The following COL19A1 variants were observed in gnomAD, a reference collection of about 807,000 sequenced individuals.
COL19A1 encodes collagen type XIX alpha 1 chain.
Under a neutral mutation model 190.2 loss-of-function variants are expected in COL19A1, and 159 were observed. The observed-to-expected ratio is 0.84, with a 90% CI of 0.73 to 0.95. The LOEUF (loss-of-function observed/expected upper bound fraction) is 0.95. COL19A1 is among the 40% of genes least tolerant of loss of function. The pLI is 0.00. For missense variants in COL19A1, 1,418 were observed against 1,431.9 expected (o/e 0.99, Z 0.16); for synonymous variants, 509 against 458.9 (o/e 1.11, Z -1.39).
intron 19 of COL19A1, among the ~76,000 whole-genome samples, chr6:70,138,572 T>C (rs1309678337): frequency 6.6e-6 from 1 of 152,182 alleles, no homozygotes; most frequent in Non-Finnish European, 1.5e-5. Flanking sequence ...TAAAGGATAT[T>C]GGTTTATCAG....
intron 48 of COL19A1, among the ~76,000 whole-genome samples, chr6:70,193,907 T>G (rs1767032321): frequency 6.6e-6 from 1 of 152,210 alleles, no homozygotes; most frequent in Admixed American, 6.5e-5. Context: ...TCACAAATCA[T>G]AAAGCTCCAA....
chr6:70,176,409 T>C lies in COL19A1; in HGVS notation c.2623-111T>C, dbSNP rs547813086. ...CCCCATCTAATATCAATAACACTTATCAGATCCAAAGGAAAGCTTTACCAA... is the reference window on the plus strand; with the variant it reads ...CCCCATCTAATATCAATAACACTTACCAGATCCAAAGGAAAGCTTTACCAA... On this transcript the variant is annotated intron_variant, in intron 41 of 50. Coordinates refer to ENST00000620364, the MANE Select transcript of COL19A1 (RefSeq NM_001858.6). 19 of 1,088,336 alleles carry C rather than the reference T, an allele frequency of 1.7e-5. No homozygotes were observed. In the South Asian group the frequency reaches 2.3e-4, roughly 13 times the overall value. 67.4% of individuals were successfully genotyped at this position (1,088,336 alleles called of 1,614,324 possible). A position where few individuals can be genotyped will look rare whatever the true frequency, so the allele number is the denominator to read the frequency against.
Position 69,880,010 on chromosome 6 carries a change from A to G in COL19A1, c.91+352A>G, listed in dbSNP as rs1768416671. 1.3e-5 allele frequency: 4 copies of G among 302,662 alleles called. No individual in the cohort carries two copies. In the East Asian group the frequency reaches 2.1e-4, roughly 16 times the overall value. 18.7% of individuals were successfully genotyped at this position (302,662 alleles called of 1,614,324 possible). On this transcript the variant is annotated intron_variant, in intron 2 of 50. Transcript: ENST00000620364. ...TAAGTATGGAAACTCATTACTAATT[A>G]GGATTAACAAGGACATATCTAATCT...
intron 15 of COL19A1, among the ~76,000 whole-genome samples, chr6:70,101,532 A>G (rs1034858793): frequency 7.9e-5 from 12 of 152,200 alleles, no homozygotes; most frequent in African/African-American, 2.9e-4. Flanking sequence ...TTCACTTATA[A>G]AAACAGCTTA....
chr6:69,929,764 A>T, intron 6 of COL19A1, 64 bp downstream of exon 6: 2 of 1,446,962 alleles, frequency 1.4e-6, no homozygotes, highest in South Asian at 1.4e-5. Flanking sequence ...AATCTTATTA[A>T]AAACATTCTT....
Position 70,190,299 on chromosome 6 carries a change from T to G in COL19A1, c.3028-16T>G. On this transcript the variant is annotated splice_polypyrimidine_tract_variant and intron_variant, in intron 47 of 50. Transcript: ENST00000620364. ...GCTATGCTCTATTTTAACAACCTTT[T>G]TTTTTCCTTCTTCAGGCTGATGCAG... is the stretch of plus-strand genomic sequence containing the variant. The G allele has an allele frequency of 6.3e-7, 1 of 1,585,530 alleles. No homozygotes were observed.
intron 14 of COL19A1, among the ~76,000 whole-genome samples, chr6:70,051,532 T>TA (rs1193381322): frequency 6.6e-6 from 1 of 152,114 alleles, no homozygotes; most frequent in Non-Finnish European, 1.5e-5. Flanking sequence ...GGCAAATTTT[T>TA]AAAAAATGGA....
Position 70,102,220 on chromosome 6 carries a change from C to T in COL19A1, c.1276C>T (p.Pro426Ser), listed in dbSNP as rs749072748. ...CGGAAAACCAGGACCCCCAGGACCACCTGTGAGTAAACAATACAATGACTG... is the reference window on the plus strand; with the variant it reads ...CGGAAAACCAGGACCCCCAGGACCATCTGTGAGTAAACAATACAATGACTG... The part of the protein sequence containing the change: ...PPGKPGPPGP[P>S]GPPGIQGIHQ... The change falls in exon 16 of 51, where the codon CCT becomes TCT. Residue 426 changes from proline to serine, a missense_variant and splice_region_variant. Transcript: ENST00000620364. 8.7e-6 allele frequency: 14 copies of T among 1,610,388 alleles called. No homozygotes were observed. The highest frequency in any genetic ancestry group is 1.7e-4 in the Middle Eastern group (1 of 6,054).
chr6:70,205,398 T>C (rs986896078), intron 49 of COL19A1, among the ~76,000 whole-genome samples: 2 of 152,212 alleles, frequency 1.3e-5, no homozygotes, highest in East Asian at 3.8e-4. Context: ...ATACTGTTCA[T>C]AGGGAGCATT....
At chr6:70,171,162 T>C (rs1184433054) in intron 40 of COL19A1, among the ~76,000 whole-genome samples, 4 of 152,220 alleles carry the variant, frequency 2.6e-5, no homozygotes, top group Non-Finnish European at 5.9e-5. Context: ...TTGTGTGTGA[T>C]TATTTTAGCT....
At position 70,201,194 on chromosome 6, in the gene COL19A1, TG is replaced by T. The variant is rs1290457044; in HGVS notation, c.3223+1460del. On this transcript the variant is annotated intron_variant, in intron 49 of 50. Coordinates refer to ENST00000620364, the MANE Select transcript of COL19A1 (RefSeq NM_001858.6). ...AACTTTGGATAGATCCTTCAAACAGTGGTGGTTTGAGAAGACAAGAACAATG... is the reference window on the plus strand; with the variant it reads ...AACTTTGGATAGATCCTTCAAACAGTGTGGTTTGAGAAGACAAGAACAATG... 2.0e-5 allele frequency among the ~76,000 whole-genome samples: 3 copies of T among 152,138 alleles called. No homozygotes were observed. In the East Asian group the frequency reaches 5.8e-4, roughly 29 times the overall value.
chr6:70,094,390 A>T (rs1271991893), intron 15 of COL19A1, among the ~76,000 whole-genome samples: 2 of 152,196 alleles, frequency 1.3e-5, no homozygotes, highest in Non-Finnish European at 2.9e-5. Context: ...GCTGATGCCT[A>T]ACAGTGTGCA....
chr6:69,930,805 CA>C (rs1293911462), intron 6 of COL19A1, among the ~76,000 whole-genome samples: 7 of 152,032 alleles, frequency 4.6e-5, no homozygotes, highest in African/African-American at 1.4e-4. Context: ...TCTCAAAAAA[CA>C]AAAAACAAAC....
intron 9 of COL19A1, among the ~76,000 whole-genome samples, chr6:69,950,276 A>G (rs1366838299): frequency 3.9e-5 from 6 of 151,966 alleles, no homozygotes; most frequent in Non-Finnish European, 5.9e-5. Flanking sequence ...TATTTATGGA[A>G]TGTGGAGTCA....
chr6:70,164,438 C>T (rs535247060), intron 36 of COL19A1, among the ~76,000 whole-genome samples: 3 of 152,262 alleles, frequency 2.0e-5, no homozygotes, highest in East Asian at 1.9e-4. Flanking sequence ...CAACGTGGAA[C>T]ATAATGACAT....
intron 13 of COL19A1, 21 bp downstream of exon 13, chr6:70,034,319 A>G (rs1341858943): frequency 6.2e-7 from 1 of 1,602,688 alleles, no homozygotes; most frequent in African/African-American, 1.3e-5. Flanking sequence ...TACCCAGCCA[A>G]GCCCAACCTT....
chr6:69,942,740 A>ATGTGTGTGTG (rs35406948), intron 9 of COL19A1, among the ~76,000 whole-genome samples: 1,607 of 146,664 alleles, frequency 0.011, 30 homozygotes, highest in African/African-American at 0.035. Flanking sequence ...CATTGTGTGT[A>ATGTGTGTGTG]TGTGTGTGTG....
chr6:69,992,739 G>A (rs76703508), intron 11 of COL19A1, among the ~76,000 whole-genome samples: 12,700 of 151,964 alleles, frequency 0.084, 600 homozygotes, highest in East Asian at 0.2. Flanking sequence ...CAGTGTTCTC[G>A]ATTTGGCTCT....
intron 7 of COL19A1, among the ~76,000 whole-genome samples, chr6:69,934,726 GAC>G (rs1772992125): frequency 6.6e-6 from 1 of 151,716 alleles, no homozygotes; most frequent in Non-Finnish European, 1.5e-5. Flanking sequence ...AATAAGGAAA[GAC>G]TGTATTTTTG....
Sources: gnomAD v4.1 joint callset for allele counts (sites outside exome capture counted in the v4.1 genomes callset) on GRCh38, gnomAD v4.1.1 for gene constraint, MANE v1.5 for transcripts, NCBI Gene and HGNC (gene_info 2026-07-23, HGNC 2026-07-21) for gene names.